The following ZNF827 variants were observed in gnomAD, a reference collection of about 807,000 sequenced individuals.
ZNF827 encodes the protein zinc finger protein 827.
Under a neutral mutation model 102.4 loss-of-function variants are expected in ZNF827, and 13 were observed. The observed-to-expected ratio is 0.13, with a 90% CI of 0.08 to 0.20. ZNF827 has a LOEUF of 0.20. Among genes scored for constraint, ZNF827 ranks in the 10% least tolerant of loss-of-function variants. The pLI, the probability that ZNF827 is intolerant of heterozygous loss-of-function variation, is 1.00. For missense variants in ZNF827, 1,103 were observed against 1,344.4 expected (o/e 0.82, Z 2.81); for synonymous variants, 523 against 536.2 (o/e 0.98, Z 0.34).
intron 1 of ZNF827, among the ~76,000 whole-genome samples, chr4:145,933,893 G>A (rs890272311): frequency 2.0e-5 from 3 of 151,988 alleles, no homozygotes; most frequent in East Asian, 3.8e-4. Context: ...AGTCCCATGC[G>A]TGGTAACGGT....
At chr4:145,846,642 A>C (rs1745978429) in intron 6 of ZNF827, among the ~76,000 whole-genome samples, 1 of 136,522 alleles carries the variant, frequency 7.3e-6, no homozygotes, top group Non-Finnish European at 1.5e-5. Context: ...CATGGTGAAA[A>C]CCCGTCTCTA....
In ZNF827 at chr4:145,907,657, G is replaced by A. The variant is rs145083076; in HGVS notation, c.44-4442C>T. Among the ~76,000 whole-genome samples, 95 of 152,246 alleles carry A rather than the reference G, an allele frequency of 6.2e-4. 1 individual carries two copies. In the East Asian group the frequency reaches 0.014, roughly 23 times the overall value. ...ACAGCTTTCTTAACCAAGGCTTCCC[G>A]GGGAAGCCTCTAAGTGGCCAATGTA... On this transcript the variant is annotated intron_variant, in intron 1 of 14. Transcript: ENST00000508784.
At chr4:145,769,190 G>A (rs1026243121) in intron 11 of ZNF827, among the ~76,000 whole-genome samples, 42 of 152,056 alleles carry the variant, frequency 2.8e-4, no homozygotes, top group African/African-American at 9.4e-4. Context: ...AGAACTGCAA[G>A]TATGTGACCT....
rs1476652214 is a variant in ZNF827 at position 145,759,234 on chromosome 4, G to A, written c.*2382C>T. 6.6e-6 allele frequency: 1 copy of A among 152,050 alleles called. No homozygotes were observed. Among genetic ancestry groups the A allele is most frequent in the Non-Finnish European group, 1.5e-5 (1 of 68,006 alleles). The allele number at this position is 152,050 out of a possible 1,614,324, so 9.4% of individuals were successfully genotyped here. ...CAGCCTGTTTCATACTGGAAATTCTGTTGTTTTAAAAATACAAGCAATGAA... is the reference window on the plus strand; with the variant it reads ...CAGCCTGTTTCATACTGGAAATTCTATTGTTTTAAAAATACAAGCAATGAA... On this transcript the variant is annotated 3_prime_UTR_variant, in exon 15 of 15. Coordinates refer to ENST00000508784, the MANE Select transcript of ZNF827 (RefSeq NM_001306215.2).
chr4:145,898,231 A>G (rs2126872044), intron 2 of ZNF827, among the ~76,000 whole-genome samples: 2 of 152,354 alleles, frequency 1.3e-5, no homozygotes, highest in African/African-American at 4.8e-5. Context: ...CGGACTTTGT[A>G]TGCTTTTGCA....
At chr4:145,882,843 C>T (rs1157732634) in intron 4 of ZNF827, among the ~76,000 whole-genome samples, 1 of 152,146 alleles carries the variant, frequency 6.6e-6, no homozygotes, top group Non-Finnish European at 1.5e-5. Flanking sequence ...AAATTCAGTG[C>T]AAGAACAATG....
chr4:145,770,725 A>G (rs1736152896), intron 11 of ZNF827, among the ~76,000 whole-genome samples: 1 of 152,192 alleles, frequency 6.6e-6, no homozygotes, highest in African/African-American at 2.4e-5. Context: ...ATATCCATGG[A>G]GGGGATTATT....
intron 9 of ZNF827, 115 bp downstream of exon 9, chr4:145,779,259 T>A (rs564822114): frequency 5.5e-5 from 75 of 1,357,376 alleles, no homozygotes; most frequent in Non-Finnish European, 7.3e-5. Flanking sequence ...CTTGAAAAGG[T>A]CAGCCATTCC....
chr4:145,843,225 A>AG (rs1745597544), intron 7 of ZNF827, among the ~76,000 whole-genome samples: 1 of 29,642 alleles, frequency 3.4e-5, no homozygotes. Flanking sequence ...TACTCAAAGG[A>AG]AAAAAAAAAA....
At position 145,892,237 on chromosome 4, in the gene ZNF827, G is replaced by T. The variant is rs772553324; in HGVS notation, c.1266+6C>A. 2.5e-6 allele frequency: 4 copies of T among 1,604,322 alleles called. No homozygotes were observed. In the East Asian group the frequency reaches 6.7e-5, roughly 27 times the overall value. On this transcript the variant is annotated splice_donor_region_variant and intron_variant, in intron 3 of 14. Transcript: ENST00000508784. ...CTCCAGGAGGTGCAGTCGGTAGGTG[G>T]CTTACCTTCATGTGGGATTTGAGAT...
intron 1 of ZNF827, among the ~76,000 whole-genome samples, chr4:145,931,032 A>G (rs2126994522): frequency 1.3e-5 from 2 of 152,342 alleles, no homozygotes; most frequent in Non-Finnish European, 2.9e-5. Flanking sequence ...GTCATCAGAG[A>G]GGCCCCTGCC....
At chr4:145,847,019 T>C (rs992041948) in intron 6 of ZNF827, among the ~76,000 whole-genome samples, 8 of 151,854 alleles carry the variant, frequency 5.3e-5, no homozygotes, top group Admixed American at 3.3e-4. Flanking sequence ...CAGGGCGTGA[T>C]GGCGCGTGCC....
chr4:145,928,323 C>T (rs992056796), intron 1 of ZNF827, among the ~76,000 whole-genome samples: 1 of 152,162 alleles, frequency 6.6e-6, no homozygotes, highest in Non-Finnish European at 1.5e-5. Context: ...CAACTTAAAT[C>T]TCTGGGGGTG....
rs752376587 is a variant in ZNF827 at position 145,870,330 on chromosome 4, T to C, written c.1896A>G (p.Ala632=). The C allele has an allele frequency of 1.2e-6, 2 of 1,614,164 alleles. No homozygotes were observed. The highest frequency in any genetic ancestry group is 1.7e-6 in the Non-Finnish European group (2 of 1,180,010). Residue 632 remains alanine, a synonymous_variant, in exon 5 of 15, where the codon GCA becomes GCG. Transcript: ENST00000508784. ...EVSAPGVSED[A]LKPQEGKGSV... ...TTCCCTTCCCTTCCTGGGGCTTTAG[T>C]GCGTCCTCAGAGACGCCTGGGGCTG... is the stretch of plus-strand genomic sequence containing the variant.
At chr4:145,912,575 A>G (rs1464535942) in intron 1 of ZNF827, among the ~76,000 whole-genome samples, 2 of 152,234 alleles carry the variant, frequency 1.3e-5, no homozygotes, top group Non-Finnish European at 2.9e-5. Context: ...GCTTCTGCAG[A>G]TAATCAAGTG....
chr4:145,888,441 G>A (rs546539534), intron 3 of ZNF827, among the ~76,000 whole-genome samples: 1 of 152,132 alleles, frequency 6.6e-6, no homozygotes, highest in South Asian at 2.1e-4. Flanking sequence ...CCTATCCTCT[G>A]GTCATTTCAC....
intron 5 of ZNF827, among the ~76,000 whole-genome samples, chr4:145,866,293 C>T (rs1748189862): frequency 6.6e-6 from 1 of 152,254 alleles, no homozygotes; most frequent in African/African-American, 2.4e-5. Flanking sequence ...TTCTCCACTT[C>T]AGGTCACCGC....
In ZNF827 at chr4:145,769,295, G is replaced by A. The variant is rs185740184; in HGVS notation, c.2861-3557C>T. ...CTATGTGACAACTAGTACCATTATTGCCATTTGCTTATCAGTATATATTTA... is the reference window on the plus strand; with the variant it reads ...CTATGTGACAACTAGTACCATTATTACCATTTGCTTATCAGTATATATTTA... On this transcript the variant is annotated intron_variant, in intron 11 of 14. Transcript: ENST00000508784. Among the ~76,000 whole-genome samples, 383 of 152,102 alleles carry A rather than the reference G, an allele frequency of 2.5e-3. 1 individual carries two copies. The highest frequency in any genetic ancestry group is 8.7e-3 in the African/African-American group (363 of 41,502).
intron 1 of ZNF827, among the ~76,000 whole-genome samples, chr4:145,924,697 G>A (rs1232887491): frequency 6.6e-6 from 1 of 152,144 alleles, no homozygotes; most frequent in Non-Finnish European, 1.5e-5. Context: ...TTTTATCACT[G>A]TAAAAGAAAC....
Sources: gnomAD v4.1 joint callset for allele counts (sites outside exome capture counted in the v4.1 genomes callset) on GRCh38, gnomAD v4.1.1 for gene constraint, MANE v1.5 for transcripts, NCBI Gene and HGNC (gene_info 2026-07-23, HGNC 2026-07-21) for gene names.